PARD3B: variants seen among roughly 807,000 people sequenced by gnomAD.
The protein encoded by PARD3B is par-3 family cell polarity regulator beta.
A neutral mutation model predicts 130.2 loss-of-function variants in PARD3B; 103 were observed. The observed-to-expected ratio is 0.79, with a 90% CI of 0.67 to 0.93. PARD3B has a LOEUF of 0.93. Ranked by LOEUF, PARD3B falls within the 40% of genes least tolerant of loss-of-function variation. The probability of loss-of-function intolerance (pLI) is 0.00; values close to 1 mark genes in which losing one functional copy is unlikely to be tolerated. For synonymous variants in PARD3B, 583 were observed against 553.2 expected, an observed-to-expected ratio of 1.05 and a Z score of -0.76; for missense variants, 1,609 against 1,499.2, an observed-to-expected ratio of 1.07 and a Z score of -1.21.
chr2:205,197,908 C>A (rs1476455011), intron 15 of PARD3B, among the ~76,000 whole-genome samples: 2 of 152,182 alleles, frequency 1.3e-5, no homozygotes, highest in Non-Finnish European at 2.9e-5. Flanking sequence ...GCCTCTTTGG[C>A]CTTTGGCATA....
chr2:205,603,919 T>C (rs1436732867), intron 22 of PARD3B, among the ~76,000 whole-genome samples: 3 of 152,220 alleles, frequency 2.0e-5, no homozygotes, highest in Non-Finnish European at 4.4e-5. Flanking sequence ...TGCAGACCTG[T>C]TGATGCAGTT....
At chr2:205,378,775 G>A (rs1212000902) in intron 18 of PARD3B, among the ~76,000 whole-genome samples, 1 of 151,906 alleles carries the variant, frequency 6.6e-6, no homozygotes, top group African/African-American at 2.4e-5. Context: ...GGGACTACAG[G>A]CGTGCACCAC....
In PARD3B at chr2:205,525,813, G is replaced by A. The variant is rs1010985792; in HGVS notation, c.3180+25782G>A. Among the ~76,000 whole-genome samples, 11 of 152,254 alleles carry A rather than the reference G, an allele frequency of 7.2e-5. No homozygotes were observed. Among genetic ancestry groups the A allele is most frequent in the African/African-American group, 1.4e-4 (6 of 41,552 alleles). ...GACTCTCTCCCCTTCCAGCCCCTTC[G>A]CTACAGCAGATATGATTACTTGGAT... is the stretch of plus-strand genomic sequence containing the variant. On this transcript the variant is annotated intron_variant, in intron 21 of 22. Transcript: ENST00000406610. The surrounding 1 kb of genome is among the most constrained non-coding windows in gnomAD (Gnocchi z 4.2).
chr2:205,153,096 A>G (rs2033872709), intron 10 of PARD3B, among the ~76,000 whole-genome samples: 1 of 152,208 alleles, frequency 6.6e-6, no homozygotes, highest in African/African-American at 2.4e-5. Flanking sequence ...GAGGCTGCAG[A>G]TCAGCAAATA....
intron 10 of PARD3B, among the ~76,000 whole-genome samples, chr2:205,143,850 A>G (rs2033157663): frequency 6.6e-6 from 1 of 152,178 alleles, no homozygotes; most frequent in Non-Finnish European, 1.5e-5. Context: ...TAGAAGCAAT[A>G]TATGTGTCAA....
At chr2:204,780,324 G>A (rs1190481995) in intron 2 of PARD3B, among the ~76,000 whole-genome samples, 1 of 152,104 alleles carries the variant, frequency 6.6e-6, no homozygotes, top group Non-Finnish European at 1.5e-5. Context: ...AACCTTAACA[G>A]TACTAGTTAT....
In PARD3B at chr2:205,301,370, A is replaced by G; in HGVS notation, c.2393-94A>G. 1 of 1,522,262 alleles carries G rather than the reference A, an allele frequency of 6.6e-7. No individual in the cohort carries two copies. The highest frequency in any genetic ancestry group is 8.8e-7 in the Non-Finnish European group (1 of 1,139,050). The allele number at this position is 1,522,262 out of a possible 1,614,324, so 94.3% of individuals were successfully genotyped here. A position where few individuals can be genotyped will look rare whatever the true frequency, so the allele number is the denominator to read the frequency against. ...AAGGGTAGAACTACAGAGTGCTGTT[A>G]TTCATTCTTTTGCATTTTACATGTT... is the stretch of plus-strand genomic sequence containing the variant. On this transcript the variant is annotated intron_variant, in intron 17 of 22. Transcript: ENST00000406610. The surrounding 1 kb of genome is among the most constrained non-coding windows in gnomAD (Gnocchi z 5.2).
intron 16 of PARD3B, among the ~76,000 whole-genome samples, chr2:205,277,717 GA>G (rs1202551670): frequency 1.3e-5 from 2 of 152,126 alleles, no homozygotes; most frequent in African/African-American, 4.8e-5. Flanking sequence ...ACTGTGGGGG[GA>G]AGAACAAAGG....
chr2:204,608,348 G>A (rs552531570), intron 1 of PARD3B, among the ~76,000 whole-genome samples: 1 of 152,252 alleles, frequency 6.6e-6, no homozygotes, highest in Admixed American at 6.5e-5. Context: ...TTTCACTCTG[G>A]CTTTTTTCCC....
chr2:204,976,838 G>T (rs1043712470), intron 3 of PARD3B, among the ~76,000 whole-genome samples: 2 of 151,924 alleles, frequency 1.3e-5, no homozygotes, highest in African/African-American at 4.8e-5. Flanking sequence ...TCGAACTCCT[G>T]ACCTCAAGTG....
chr2:205,002,870 C>A (rs1420610490), intron 3 of PARD3B, among the ~76,000 whole-genome samples: 1 of 152,206 alleles, frequency 6.6e-6, no homozygotes, highest in South Asian at 2.1e-4. Flanking sequence ...TATTGTCTTA[C>A]ATTTCTGGAG....
At chr2:205,552,621 C>G (rs1453843748) in intron 21 of PARD3B, among the ~76,000 whole-genome samples, 2 of 152,042 alleles carry the variant, frequency 1.3e-5, no homozygotes, top group African/African-American at 4.8e-5. Flanking sequence ...GTTGGCCAGT[C>G]TGGTCTCAGA....
intron 10 of PARD3B, among the ~76,000 whole-genome samples, chr2:205,140,603 T>C (rs1334194559): frequency 6.6e-6 from 1 of 151,914 alleles, no homozygotes. Flanking sequence ...ACAGTATTCT[T>C]AGAATACTAT....
intron 3 of PARD3B, among the ~76,000 whole-genome samples, chr2:205,040,815 G>GT (rs146969118): frequency 4.7e-4 from 70 of 148,772 alleles, no homozygotes; most frequent in Non-Finnish European, 7.3e-4. Flanking sequence ...AGGAGAGTGT[G>GT]TTTTTTTTTT....
At chr2:204,627,548 A>C (rs2034529738) in intron 1 of PARD3B, among the ~76,000 whole-genome samples, 10 of 152,148 alleles carry the variant, frequency 6.6e-5, no homozygotes, top group Admixed American at 6.6e-4. Flanking sequence ...CCCAAAAACA[A>C]GTTAGCTTGT....
intron 3 of PARD3B, among the ~76,000 whole-genome samples, chr2:204,988,227 T>C (rs1693345285): frequency 6.6e-6 from 1 of 152,172 alleles, no homozygotes; most frequent in African/African-American, 2.4e-5. Flanking sequence ...ATTTTGGAAA[T>C]ATTGAAATCC....
intron 18 of PARD3B, among the ~76,000 whole-genome samples, chr2:205,332,860 C>G (rs1159533570): frequency 6.6e-6 from 1 of 152,104 alleles, no homozygotes; most frequent in African/African-American, 2.4e-5. Flanking sequence ...CAGCCATATA[C>G]AAGGAGGGTA....
At chr2:205,604,224 G>T (rs2054898756) in intron 22 of PARD3B, among the ~76,000 whole-genome samples, 1 of 152,086 alleles carries the variant, frequency 6.6e-6, no homozygotes, top group Non-Finnish European at 1.5e-5. Context: ...TCACACTGCT[G>T]TTAAAGACAT....
At chr2:205,435,047 C>A (rs867380889) in intron 19 of PARD3B, among the ~76,000 whole-genome samples, 1 of 151,738 alleles carries the variant, frequency 6.6e-6, no homozygotes, top group Non-Finnish European at 1.5e-5. Flanking sequence ...GCACATGTAC[C>A]CCCTGTACTG....
Sources: allele counts gnomAD v4.1 joint callset (sites outside exome capture counted in the v4.1 genomes callset), GRCh38; gene constraint gnomAD v4.1.1; non-coding constraint Gnocchi (gnomAD v3.1); transcripts MANE v1.5; gene names NCBI Gene and HGNC (gene_info 2026-07-23, HGNC 2026-07-21).